Variants in LINGO2 observed in about 807,000 individuals in gnomAD.
LINGO2 encodes the protein leucine-rich repeat and immunoglobulin-like domain-containing nogo receptor-interacting protein 2.
A neutral mutation model predicts 30.6 loss-of-function variants in LINGO2; 14 were observed. That is an observed-to-expected ratio of 0.46 (90% CI 0.30 to 0.72). The LOEUF (loss-of-function observed/expected upper bound fraction) is 0.72. Ranked by LOEUF, LINGO2 falls within the 30% of genes least tolerant of loss-of-function variation. The pLI is 0.07. For synonymous variants in LINGO2, 317 were observed against 288.5 expected, an observed-to-expected ratio of 1.10 and a Z score of -1.00; for missense variants, 729 against 751.7, an observed-to-expected ratio of 0.97 and a Z score of 0.35.
chr9:28,748,901 T>G, the LINGO2 span, among the ~76,000 whole-genome samples: 1 of 152,044 alleles, frequency 6.6e-6, no homozygotes, highest in South Asian at 2.1e-4. Context: ...TTATCTAGCA[T>G]GTGGTAGTTG....
intron 3 of LINGO2, among the ~76,000 whole-genome samples, chr9:28,326,583 T>C (rs542576239): frequency 5.9e-5 from 9 of 152,230 alleles, no homozygotes; most frequent in African/African-American, 2.2e-4. Context: ...TTCCATGAGA[T>C]GGTATGTTCC....
At chr9:29,031,496 T>C in the LINGO2 span, among the ~76,000 whole-genome samples, 1 of 152,022 alleles carries the variant, frequency 6.6e-6, no homozygotes, top group African/African-American at 2.4e-5. Flanking sequence ...TTGGCCAGGC[T>C]GGTCTCAAAC....
At chr9:29,069,919 T>C in the LINGO2 span, among the ~76,000 whole-genome samples, 4 of 152,062 alleles carry the variant, frequency 2.6e-5, no homozygotes, top group African/African-American at 7.2e-5. Context: ...ACAGGTGGCA[T>C]CAGAGTTTAA....
intron 4 of LINGO2, among the ~76,000 whole-genome samples, chr9:28,118,908 T>G (rs1827012487): frequency 1.3e-5 from 2 of 152,194 alleles, no homozygotes; most frequent in Non-Finnish European, 2.9e-5. Context: ...AGAGCCCTCT[T>G]CTGACATCTT....
chr9:28,741,865 A>G, the LINGO2 span, among the ~76,000 whole-genome samples: 1 of 151,698 alleles, frequency 6.6e-6, no homozygotes, highest in South Asian at 2.1e-4. Flanking sequence ...ATCGGAGTCT[A>G]GTTTGAAGCC....
chr9:28,237,122 G>GT lies in LINGO2; in HGVS notation c.-87+58085_-87+58086insA, dbSNP rs1031030191. Among the ~76,000 whole-genome samples the GT allele has an allele frequency of 4.3e-4, 60 of 139,502 alleles. 1 individual carries two copies. The highest frequency in any genetic ancestry group is 1.6e-3 in the Admixed American group (23 of 14,100). 91.5% of individuals were successfully genotyped at this position (139,502 alleles called of 152,430 possible). ...AACAAAATAGTTAAACAGTGCGGGGGGGGGGTAAAGTTAAATGTAGGATTT... is the reference window on the plus strand; with the variant it reads ...AACAAAATAGTTAAACAGTGCGGGGGTGGGGGTAAAGTTAAATGTAGGATTT... On this transcript the variant is annotated intron_variant, in intron 4 of 5. Coordinates refer to ENST00000379992, the Ensembl canonical transcript of LINGO2.
chr9:28,665,183 GA>G (rs1037634932), intron 1 of LINGO2, among the ~76,000 whole-genome samples: 1 of 151,664 alleles, frequency 6.6e-6, no homozygotes, highest in Non-Finnish European at 1.5e-5. Flanking sequence ...CATTTATCAA[GA>G]GTGTTAATCT....
At chr9:28,382,098 A>C (rs1475506558) in intron 2 of LINGO2, among the ~76,000 whole-genome samples, 1 of 152,034 alleles carries the variant, frequency 6.6e-6, no homozygotes, top group Non-Finnish European at 1.5e-5. Context: ...TTCCTTCTCT[A>C]TTAAATGGGG....
the LINGO2 span, among the ~76,000 whole-genome samples, chr9:29,112,479 C>A: frequency 9.9e-5 from 15 of 152,192 alleles, no homozygotes; most frequent in African/African-American, 3.6e-4. Context: ...CATGTGACCA[C>A]TTGCTCCTGG....
At chr9:28,854,482 T>C in the LINGO2 span, among the ~76,000 whole-genome samples, 1 of 152,112 alleles carries the variant, frequency 6.6e-6, no homozygotes, top group African/African-American at 2.4e-5. Context: ...GATGAGCTTA[T>C]ACATTGAAAA....
At chr9:28,404,622 G>T (rs970838981) in intron 2 of LINGO2, among the ~76,000 whole-genome samples, 18 of 152,232 alleles carry the variant, frequency 1.2e-4, no homozygotes, top group African/African-American at 3.4e-4. Flanking sequence ...GCTAAATGTT[G>T]CCTCTCCCTG....
chr9:28,864,773 A>G, the LINGO2 span, among the ~76,000 whole-genome samples: 1 of 152,168 alleles, frequency 6.6e-6, no homozygotes, highest in Non-Finnish European at 1.5e-5. Context: ...CTGAATAATT[A>G]AAAATATTTA....
intron 4 of LINGO2, among the ~76,000 whole-genome samples, chr9:28,252,482 C>T (rs2134014847): frequency 6.6e-6 from 1 of 151,982 alleles, no homozygotes; most frequent in East Asian, 1.9e-4. Context: ...CCCTTGGCCT[C>T]CCAAAATGCT....
At chr9:28,336,387 G>A (rs940478938) in intron 3 of LINGO2, among the ~76,000 whole-genome samples, 1 of 152,018 alleles carries the variant, frequency 6.6e-6, no homozygotes, top group Non-Finnish European at 1.5e-5. Flanking sequence ...CCTCTTAACA[G>A]TATCATTCAC....
At chr9:27,977,498 A>AGGG (rs1215629495) in intron 5 of LINGO2, among the ~76,000 whole-genome samples, 7 of 151,976 alleles carry the variant, frequency 4.6e-5, no homozygotes, top group Non-Finnish European at 1.0e-4. Context: ...CCCTGACTAC[A>AGGG]AGTATAAATA....
chr9:28,036,925 G>T (rs919068811), intron 4 of LINGO2, among the ~76,000 whole-genome samples: 1 of 152,122 alleles, frequency 6.6e-6, no homozygotes, highest in African/African-American at 2.4e-5. Flanking sequence ...AAAATAGAAG[G>T]TTCTCAGACC....
chr9:28,878,353 A>T, the LINGO2 span, among the ~76,000 whole-genome samples: 1 of 152,194 alleles, frequency 6.6e-6, no homozygotes, highest in South Asian at 2.1e-4. Context: ...TCAATAGCTT[A>T]CCAACCAAAA....
At chr9:28,800,805 CTCA>C in the LINGO2 span, among the ~76,000 whole-genome samples, 1 of 152,002 alleles carries the variant, frequency 6.6e-6, no homozygotes, top group Non-Finnish European at 1.5e-5. Flanking sequence ...AATACACTGG[CTCA>C]TCTTTTCTAA....
At chr9:28,535,525 GTATC>G (rs1436393195) in intron 1 of LINGO2, among the ~76,000 whole-genome samples, 2 of 151,906 alleles carry the variant, frequency 1.3e-5, no homozygotes, top group African/African-American at 4.8e-5. Context: ...AAAATAAACT[GTATC>G]TATTTTTTTT....
Sources: allele counts gnomAD v4.1 joint callset (sites outside exome capture counted in the v4.1 genomes callset), GRCh38; gene constraint gnomAD v4.1.1; transcripts MANE v1.5; gene names NCBI Gene and HGNC (gene_info 2026-07-23, HGNC 2026-07-21).